ZNF724: variants seen among roughly 807,000 people sequenced by gnomAD.
ZNF724 encodes the protein zinc finger protein 724, also known as zinc finger protein 724 pseudogene.
In ZNF724, 14 loss-of-function variants were observed where a neutral mutation model predicts 29.3. The observed-to-expected ratio is 0.48, with a 90% CI of 0.32 to 0.75. The LOEUF is 0.75. Ranked by LOEUF, ZNF724 falls within the 30% of genes least tolerant of loss-of-function variation. The probability of loss-of-function intolerance (pLI) is 0.04; values close to 1 mark genes in which losing one functional copy is unlikely to be tolerated. For synonymous variants in ZNF724, 180 were observed against 193.6 expected, an observed-to-expected ratio of 0.93 and a Z score of 0.58; for missense variants, 557 against 571.2, an observed-to-expected ratio of 0.98 and a Z score of 0.25.
chr19:23,246,325 T>C (rs564846448), intron 1 of ZNF724, among the ~76,000 whole-genome samples: 399 of 152,274 alleles, frequency 2.6e-3, no homozygotes, highest in Non-Finnish European at 4.5e-3. Context: ...ATTAGTCATA[T>C]GGGGACACCT....
chr19:23,240,383 A>G (rs569084850), intron 1 of ZNF724, among the ~76,000 whole-genome samples: 1 of 152,222 alleles, frequency 6.6e-6, no homozygotes, highest in South Asian at 2.1e-4. Flanking sequence ...CCAAAAAATG[A>G]GAATGGCACT....
rs767370289 is a variant in ZNF724 at position 23,222,800 on chromosome 19, T to C, written c.1445A>G (p.Glu482Gly). ...HTGEKPYKCE[E>G]CGKAFNLSSH... The stretch of plus-strand genomic sequence containing the variant: ...GGATAGGTTAAAAGCTTTGCCACAT[T>C]CTTCACATTTGTAGGGTTTCTCTCC... The change falls in exon 4 of 4, where the codon GAA becomes GGA. Residue 482 changes from glutamate to glycine, a missense_variant. Physicochemically the swap from Glu to Gly is moderately conservative, Grantham distance 98. Transcript: ENST00000418100. The C allele has an allele frequency of 1.4e-6, 2 of 1,416,674 alleles. No individual in the cohort carries two copies. Among genetic ancestry groups the C allele is most frequent in the Non-Finnish European group, 2.0e-6 (2 of 1,008,712 alleles). 87.8% of individuals were successfully genotyped at this position (1,416,674 alleles called of 1,614,324 possible).
At chr19:23,238,652 T>C (rs1372160226) in intron 1 of ZNF724, among the ~76,000 whole-genome samples, 2 of 152,126 alleles carry the variant, frequency 1.3e-5, no homozygotes, top group Non-Finnish European at 2.9e-5. Context: ...TGGTAGCTCA[T>C]GCCTGTAATC....
intron 3 of ZNF724, among the ~76,000 whole-genome samples, chr19:23,225,981 T>C (rs560108894): frequency 6.6e-6 from 1 of 151,620 alleles, no homozygotes; most frequent in Non-Finnish European, 1.5e-5. Context: ...TTCCCCAAGC[T>C]GCTAGGACCA....
At chr19:23,244,104 G>A (rs547112411) in intron 1 of ZNF724, among the ~76,000 whole-genome samples, 9 of 150,164 alleles carry the variant, frequency 6.0e-5, no homozygotes, top group African/African-American at 2.2e-4. Flanking sequence ...AAAACTCGAC[G>A]GGTGGGGGTA....
intron 2 of ZNF724, 22 bp from the exon 3 acceptor site, chr19:23,231,383 A>G: frequency 7.7e-7 from 1 of 1,304,202 alleles, no homozygotes; most frequent in Non-Finnish European, 1.1e-6. Context: ...AAAATAAATA[A>G]CATGAATGTT....
Position 23,250,305 on chromosome 19 carries a change from G to C in ZNF724, c.-63C>G, listed in dbSNP as rs10405424. On this transcript the variant is annotated 5_prime_UTR_variant, in exon 1 of 4. Transcript: ENST00000418100. ...TGGATCTCCCAATGCTTGCAGGTCA[G>C]AGGGCCACAGAGGCTGGGCCTCTAA... 326,334 of 587,898 alleles carry C rather than the reference G, an allele frequency of 0.56. 92,307 individuals carry two copies. The highest frequency in any genetic ancestry group is 0.7 in the East Asian group (13,906 of 19,878). The allele number at this position is 587,898 out of a possible 1,614,324, so 36.4% of individuals were successfully genotyped here. A position where few individuals can be genotyped will look rare whatever the true frequency, so the allele number is the denominator to read the frequency against.
In ZNF724 at chr19:23,222,155, C is replaced by T; in HGVS notation, c.*230G>A. ...CATTCTTCACACTTGTAGAGGTTTCCTCTACTATATTTTACCTACAATCAA... is the reference window on the plus strand; with the variant it reads ...CATTCTTCACACTTGTAGAGGTTTCTTCTACTATATTTTACCTACAATCAA... On this transcript the variant is annotated 3_prime_UTR_variant, in exon 4 of 4. Transcript: ENST00000418100. The T allele has an allele frequency of 2.2e-6, 1 of 453,352 alleles. No homozygotes were observed. The highest frequency in any genetic ancestry group is 3.9e-6 in the Non-Finnish European group (1 of 257,630). The allele number at this position is 453,352 out of a possible 1,614,324, so 28.1% of individuals were successfully genotyped here. A position where few individuals can be genotyped will look rare whatever the true frequency, so the allele number is the denominator to read the frequency against.
At chr19:23,243,475 C>CAAAAAAAAA (rs61241201) in intron 1 of ZNF724, among the ~76,000 whole-genome samples, 734 of 30,964 alleles carry the variant, frequency 0.024, 52 homozygotes, top group Non-Finnish European at 0.031. Flanking sequence ...GAGTCCATCT[C>CAAAAAAAAA]AAAAAAAAAA....
intron 1 of ZNF724, among the ~76,000 whole-genome samples, chr19:23,238,549 A>G (rs1001857023): frequency 2.6e-5 from 4 of 152,222 alleles, no homozygotes; most frequent in Non-Finnish European, 5.9e-5. Flanking sequence ...AGAGAGATGA[A>G]CAAAATATCC....
At position 23,235,500 on chromosome 19, in the gene ZNF724, C is replaced by T. The variant is rs138906388; in HGVS notation, c.4-3207G>A. Reference sequence around the variant, plus strand: ...AATAGAAAATTTAAAAATTAAGATGCTAAAATACATACTTTATTTTTCCAA... The same window carrying T: ...AATAGAAAATTTAAAAATTAAGATGTTAAAATACATACTTTATTTTTCCAA... On this transcript the variant is annotated intron_variant, in intron 1 of 3. Coordinates refer to ENST00000418100, the MANE Select transcript of ZNF724 (RefSeq NM_001355404.2). 5.9e-3 allele frequency among the ~76,000 whole-genome samples: 891 copies of T among 152,280 alleles called. 8 individuals carry two copies. The highest frequency in any genetic ancestry group is 0.021 in the African/African-American group (856 of 41,546).
chr19:23,223,093 A>T lies in ZNF724; in HGVS notation c.1152T>A (p.His384Gln). 7.9e-7 allele frequency: 1 copy of T among 1,266,954 alleles called. No individual in the cohort carries two copies. The highest frequency in any genetic ancestry group is 1.2e-6 in the Non-Finnish European group (1 of 864,668). The allele number at this position is 1,266,954 out of a possible 1,614,324, so 78.5% of individuals were successfully genotyped here. A position where few individuals can be genotyped will look rare whatever the true frequency, so the allele number is the denominator to read the frequency against. The change falls in exon 4 of 4, where the codon CAT (histidine) becomes CAA (glutamine). Residue 384 changes from histidine (H) to glutamine (Q), a missense_variant. This residue lies in a region of ZNF724 where 362 missense variants were observed against 295.5 expected (regional missense o/e 1.22). Coordinates refer to ENST00000418100, the MANE Select transcript of ZNF724 (RefSeq NM_001355404.2). ...AFNVSSTLTQ[H>Q]KRIHTGEKPY... ...GTTTTTCTCCAGTATGAATTCTCTT[A>T]TGTTGAGTAAGAGTTGAGGACACGT...
intron 1 of ZNF724, among the ~76,000 whole-genome samples, chr19:23,239,947 G>C (rs1338058077): frequency 4.0e-5 from 6 of 148,822 alleles, no homozygotes; most frequent in Non-Finnish European, 8.8e-5. Flanking sequence ...TTAAATATTT[G>C]AAAAAAATTA....
chr19:23,248,856 A>G (rs1046879469), intron 1 of ZNF724, among the ~76,000 whole-genome samples: 2 of 151,938 alleles, frequency 1.3e-5, no homozygotes, highest in Admixed American at 6.6e-5. Context: ...TTAGCCGGGC[A>G]TGGTGGTGGG....
Position 23,222,215 on chromosome 19 carries a change from G to A in ZNF724, c.*170C>T. ...CCATTTAAAGGTGTTTAGAAATATT[G>A]AGGTGTTGTCAACTGCACTGTTATA... On this transcript the variant is annotated 3_prime_UTR_variant, in exon 4 of 4. Coordinates refer to ENST00000418100, the MANE Select transcript of ZNF724 (RefSeq NM_001355404.2). 1.8e-6 allele frequency: 1 copy of A among 557,438 alleles called. No individual in the cohort carries two copies. The allele number at this position is 557,438 out of a possible 1,614,324, so 34.5% of individuals were successfully genotyped here.
intron 3 of ZNF724, among the ~76,000 whole-genome samples, chr19:23,226,421 G>A (rs928355700): frequency 6.6e-6 from 1 of 152,116 alleles, no homozygotes; most frequent in African/African-American, 2.4e-5. Context: ...TCTTGTCTTG[G>A]CCTCTCAAAA....
intron 3 of ZNF724, among the ~76,000 whole-genome samples, chr19:23,226,196 C>T (rs982744413): frequency 2.0e-5 from 3 of 152,008 alleles, no homozygotes; most frequent in South Asian, 2.1e-4. Context: ...GGACTACAGG[C>T]GCCCTCCACC....
chr19:23,244,141 GT>G (rs535134613), intron 1 of ZNF724, among the ~76,000 whole-genome samples: 2 of 152,028 alleles, frequency 1.3e-5, no homozygotes, highest in African/African-American at 2.4e-5. Flanking sequence ...TGAAAGATTG[GT>G]TTGTGCTATT....
chr19:23,242,307 G>T (rs1399606781), intron 1 of ZNF724, among the ~76,000 whole-genome samples: 1 of 152,166 alleles, frequency 6.6e-6, no homozygotes, highest in Non-Finnish European at 1.5e-5. Flanking sequence ...GACCAGGCAT[G>T]ATGACTCACG....
Sources: allele counts gnomAD v4.1 joint callset (sites outside exome capture counted in the v4.1 genomes callset), GRCh38; gene constraint gnomAD v4.1.1; regional missense constraint gnomAD v4.1.1; transcripts MANE v1.5; gene names NCBI Gene and HGNC (gene_info 2026-07-23, HGNC 2026-07-21).